Variants in NUP205 observed in about 807,000 individuals in gnomAD.
NUP205 encodes nuclear pore complex protein Nup205.
A neutral mutation model predicts 253.8 loss-of-function variants in NUP205; 76 were observed. The ratio of observed to expected loss-of-function variants is 0.30; its 90% CI spans 0.25 to 0.36. The LOEUF is 0.36. NUP205 is among the 10% of genes least tolerant of loss of function. NUP205 has a pLI of 1.00. For missense variants in NUP205, 2,162 were observed against 2,425.5 expected, an observed-to-expected ratio of 0.89 and a Z score of 2.28; for synonymous variants, 832 against 850.1, an observed-to-expected ratio of 0.98 and a Z score of 0.37.
At chr7:135,569,675 A>G (rs1805889411) in intron 1 of NUP205, among the ~76,000 whole-genome samples, 1 of 152,052 alleles carries the variant, frequency 6.6e-6, no homozygotes, top group Admixed American at 6.6e-5. Flanking sequence ...TAAAGAGCTT[A>G]GGGCCATGCT....
Position 135,638,204 on chromosome 7 carries a change from G to C in NUP205, c.5265+145G>C, listed in dbSNP as rs1220691238. On this transcript the variant is annotated intron_variant, in intron 37 of 42. Transcript: ENST00000285968. The stretch of plus-strand genomic sequence containing the variant: ...GCGGATGGATCACCTGAGGTCAAGA[G>C]TTGAAGACCATCCTAGCCAACATGG... 4.9e-6 allele frequency: 4 copies of C among 821,908 alleles called. No homozygotes were observed. The African/African-American group carries it at 7.0e-5, about 14-fold the overall frequency. 50.9% of individuals were successfully genotyped at this position (821,908 alleles called of 1,614,324 possible).
Position 135,600,943 on chromosome 7 carries a change from T to C in NUP205, c.2348T>C (p.Phe783Ser), listed in dbSNP as rs751233627. ...GATTATGAGCCTCAGCTTGAAGATT[T>C]TGTAGACCAGTTTGTGGAACTACAA... is the stretch of plus-strand genomic sequence containing the variant. ...LRDYEPQLED[F>S]VDQFVELQGE... The change falls in exon 16 of 43, where the codon TTT becomes TCT. Residue 783 changes from phenylalanine to serine, a missense_variant. Transcript: ENST00000285968. 2.5e-6 allele frequency: 4 copies of C among 1,609,086 alleles called. No homozygotes were observed. Among genetic ancestry groups the C allele is most frequent in the East Asian group, 4.5e-5 (2 of 44,728 alleles).
At position 135,571,101 on chromosome 7, in the gene NUP205, T is replaced by C; in HGVS notation, c.29-4T>C. On this transcript the variant is annotated splice_region_variant and splice_polypyrimidine_tract_variant and intron_variant, in intron 1 of 42. Coordinates refer to ENST00000285968, the MANE Select transcript of NUP205 (RefSeq NM_015135.3). ...ACGGTGGTTTCATTTATTTTTTCTTTAAGCTGCTAGTCTATGGGGTCCTTA... is the reference window on the plus strand; with the variant it reads ...ACGGTGGTTTCATTTATTTTTTCTTCAAGCTGCTAGTCTATGGGGTCCTTA... The C allele has an allele frequency of 1.3e-6, 2 of 1,541,306 alleles. No homozygotes were observed. The highest frequency in any genetic ancestry group is 1.7e-6 in the Non-Finnish European group (2 of 1,143,540).
chr7:135,566,146 T>C (rs79340288), intron 1 of NUP205, among the ~76,000 whole-genome samples: 3,817 of 152,318 alleles, frequency 0.025, 80 homozygotes, highest in South Asian at 0.077. Context: ...GCTTGCTGTG[T>C]TGCCCAGGCT....
rs191218883 is a variant in NUP205, at chr7:135,622,143, G to A, written c.4331-634G>A. Among the ~76,000 whole-genome samples, 11 of 151,562 alleles carry A rather than the reference G, an allele frequency of 7.3e-5. No individual in the cohort carries two copies. In the East Asian group the frequency reaches 1.4e-3, roughly 19 times the overall value. On this transcript the variant is annotated intron_variant, in intron 30 of 42. Transcript: ENST00000285968. Reference sequence around the variant, plus strand: ...AATAAAAGATAAAAGATTGATTAGCGGCTGGGCACGGTGGCTCACACCTGT... The same window carrying A: ...AATAAAAGATAAAAGATTGATTAGCAGCTGGGCACGGTGGCTCACACCTGT...
At chr7:135,630,491 G>C (rs1216009934) in intron 35 of NUP205, 21 bp downstream of exon 35, 1 of 1,569,866 alleles carries the variant, frequency 6.4e-7, no homozygotes, top group Non-Finnish European at 8.6e-7. Context: ...TATGTTGAAA[G>C]GATTTTTAAT....
rs753082462 is a variant in NUP205 at position 135,602,987 on chromosome 7, A to ATTGCCT, written c.2700_2701insTTTGCC (p.Ala900_Arg901insPheAla). The stretch of plus-strand genomic sequence containing the variant: ...TAAGAAGGCAGATAATGTGGTAAAC[A>ATTGCCT]TTGCCAGGTAAGTTACCTTTGTAGG... On this transcript the variant is annotated inframe_insertion, in exon 18 of 43. Coordinates refer to ENST00000285968, the MANE Select transcript of NUP205 (RefSeq NM_015135.3). The ATTGCCT allele has an allele frequency of 2.5e-6, 4 of 1,606,890 alleles. No homozygotes were observed. In the South Asian group the frequency reaches 3.3e-5, roughly 13 times the overall value.
At chr7:135,558,832 A>G (rs1805504038) in intron 1 of NUP205, among the ~76,000 whole-genome samples, 1 of 152,224 alleles carries the variant, frequency 6.6e-6, no homozygotes, top group Non-Finnish European at 1.5e-5. Flanking sequence ...GGGCAAGATT[A>G]AGAGTATATC....
Position 135,627,972 on chromosome 7 carries a change from G to A in NUP205, c.4794-1G>A, listed in dbSNP as rs1363646498. 3.7e-6 allele frequency: 6 copies of A among 1,612,238 alleles called. No homozygotes were observed. The highest frequency in any genetic ancestry group is 5.1e-6 in the Non-Finnish European group (6 of 1,179,468). ...TTTTCTCCTTGTTTGGTTGAAATAA[G>A]CATGTTTGGCATGAGAGACCCTCCA... On this transcript the variant is annotated splice_acceptor_variant, in intron 33 of 42. Transcript: ENST00000285968. LOFTEE classifies it high-confidence loss of function.
intron 42 of NUP205, among the ~76,000 whole-genome samples, chr7:135,647,053 CTG>C (rs1795025773): frequency 6.6e-6 from 1 of 152,206 alleles, no homozygotes; most frequent in African/African-American, 2.4e-5. Flanking sequence ...GTACACAACA[CTG>C]TGCTCTTACT....
At chr7:135,579,543 AT>A (rs1806248670) in intron 7 of NUP205, among the ~76,000 whole-genome samples, 1 of 152,054 alleles carries the variant, frequency 6.6e-6, no homozygotes, top group South Asian at 2.1e-4. Context: ...ATTTTTATAT[AT>A]TTTACTTCTT....
At chr7:135,615,642 G>A (rs974492494) in intron 23 of NUP205, among the ~76,000 whole-genome samples, 3 of 152,094 alleles carry the variant, frequency 2.0e-5, no homozygotes, top group Admixed American at 6.5e-5. Flanking sequence ...CAGGATCTTT[G>A]TGAAATTAAA....
intron 31 of NUP205, among the ~76,000 whole-genome samples, chr7:135,624,657 G>A (rs796503413): frequency 6.6e-5 from 10 of 152,036 alleles, no homozygotes; most frequent in Non-Finnish European, 1.5e-4. Flanking sequence ...GATTACAGGC[G>A]TGAGCCACCG....
At position 135,597,360 on chromosome 7, in the gene NUP205, A is replaced by G. The variant is rs372338968; in HGVS notation, c.2014-8A>G. The G allele has an allele frequency of 1.2e-6, 2 of 1,604,504 alleles. No individual in the cohort carries two copies. Among genetic ancestry groups the G allele is most frequent in the Non-Finnish European group, 1.7e-6 (2 of 1,171,472 alleles). On this transcript the variant is annotated splice_region_variant and splice_polypyrimidine_tract_variant and intron_variant, in intron 13 of 42. Transcript: ENST00000285968. ...ATGCTCCTGACATCTACTTCTTACT[A>G]TTTTAAGATACTGCAGACCGTGAGG...
At chr7:135,570,073 A>AGG (rs1805908853) in intron 1 of NUP205, among the ~76,000 whole-genome samples, 3 of 149,366 alleles carry the variant, frequency 2.0e-5, no homozygotes, top group Non-Finnish European at 4.5e-5. Flanking sequence ...AGAGAGAGAG[A>AGG]GAGAGAGAGA....
chr7:135,642,342 A>C (rs1351594951), intron 38 of NUP205, among the ~76,000 whole-genome samples: 1 of 151,202 alleles, frequency 6.6e-6, no homozygotes, highest in Non-Finnish European at 1.5e-5. Context: ...TACACAGACT[A>C]TCTCTAGGAT....
intron 6 of NUP205, 79 bp downstream of exon 6, chr7:135,578,103 T>G: frequency 1.0e-6 from 1 of 987,590 alleles, no homozygotes; most frequent in Non-Finnish European, 1.6e-6. Flanking sequence ...AAGGGTGATA[T>G]TTTAGCTACT....
intron 30 of NUP205, among the ~76,000 whole-genome samples, chr7:135,620,595 T>A (rs1033066062): frequency 3.3e-5 from 5 of 152,248 alleles, no homozygotes; most frequent in Non-Finnish European, 7.3e-5. Flanking sequence ...TTTTCCTTAT[T>A]CACAGGCATT....
rs1342766466 is a variant in NUP205 at position 135,607,529 on chromosome 7, A to G, written c.3195+158A>G. On this transcript the variant is annotated intron_variant, in intron 22 of 42. Transcript: ENST00000285968. Reference sequence around the variant, plus strand: ...CATTTGTGGATAAAATCCGTAAAGCACAAACCCCAAGTTCTTATAGACCCA... The same window carrying G: ...CATTTGTGGATAAAATCCGTAAAGCGCAAACCCCAAGTTCTTATAGACCCA... 2.0e-5 allele frequency among the ~76,000 whole-genome samples: 3 copies of G among 152,242 alleles called. No individual in the cohort carries two copies. In the East Asian group the frequency reaches 5.8e-4, roughly 29 times the overall value.
Sources: allele counts gnomAD v4.1 joint callset (sites outside exome capture counted in the v4.1 genomes callset), GRCh38; gene constraint gnomAD v4.1.1; transcripts MANE v1.5; gene names NCBI Gene and HGNC (gene_info 2026-07-23, HGNC 2026-07-21).